TTC39B: variants seen among roughly 807,000 people sequenced by gnomAD.
TTC39B encodes the protein tetratricopeptide repeat protein 39B.
Under a neutral mutation model 96.6 loss-of-function variants are expected in TTC39B, and 92 were observed. The observed-to-expected ratio is 0.95, with a 90% CI of 0.80 to 1.13. The LOEUF (loss-of-function observed/expected upper bound fraction) is 1.13, where lower values mean the gene tolerates loss of function less well. TTC39B is among the 50% of genes most tolerant of loss of function. The pLI, the probability that TTC39B is intolerant of heterozygous loss-of-function variation, is 0.00. For synonymous variants in TTC39B, 367 were observed against 299.4 expected, an observed-to-expected ratio of 1.23 and a Z score of -2.33; for missense variants, 955 against 809.3, an observed-to-expected ratio of 1.18 and a Z score of -2.18.
intron 2 of TTC39B, among the ~76,000 whole-genome samples, chr9:15,258,714 C>G (rs1348091021): frequency 6.6e-6 from 1 of 152,170 alleles, no homozygotes; most frequent in Non-Finnish European, 1.5e-5. Flanking sequence ...AAAGATCCTG[C>G]TCATAGGGGT....
chr9:15,163,886 GT>G (rs1447823294), exon 20 of TTC39B: 1 of 152,156 alleles, frequency 6.6e-6, no homozygotes, highest in African/African-American at 2.4e-5. Context: ...TACAGGAATT[GT>G]TGTCATCATG....
intron 1 of TTC39B, among the ~76,000 whole-genome samples, chr9:15,278,282 G>T (rs1823623698): frequency 6.6e-6 from 1 of 151,932 alleles, no homozygotes; most frequent in Non-Finnish European, 1.5e-5. Context: ...TCACAGTTCT[G>T]GACATAACCC....
At chr9:15,281,942 T>A (rs528514369) in intron 1 of TTC39B, among the ~76,000 whole-genome samples, 2 of 152,206 alleles carry the variant, frequency 1.3e-5, no homozygotes, top group South Asian at 2.1e-4. Context: ...CCTCCCAAAG[T>A]GTTGAGATTA....
intron 8 of TTC39B, among the ~76,000 whole-genome samples, chr9:15,194,310 T>C (rs1819025532): frequency 6.6e-6 from 1 of 152,198 alleles, no homozygotes; most frequent in Non-Finnish European, 1.5e-5. Context: ...TATATGGACT[T>C]TTTTCGTCTT....
At chr9:15,243,105 A>C (rs1202916505) in intron 2 of TTC39B, among the ~76,000 whole-genome samples, 3 of 152,232 alleles carry the variant, frequency 2.0e-5, no homozygotes, top group Non-Finnish European at 2.9e-5. Flanking sequence ...AGCAGTCCCC[A>C]GACAGGGGCC....
At chr9:15,212,054 T>A (rs1282419946) in intron 4 of TTC39B, among the ~76,000 whole-genome samples, 1 of 152,228 alleles carries the variant, frequency 6.6e-6, no homozygotes. Flanking sequence ...ACATCCAGAT[T>A]CTCGGGCTAT....
intron 15 of TTC39B, chr9:15,186,582 C>T (rs1439528439): frequency 6.0e-6 from 1 of 166,162 alleles, no homozygotes; most frequent in Non-Finnish European, 1.3e-5. Context: ...TTAATACTCC[C>T]TTCCATTAAT....
At chr9:15,304,193 C>G (rs1824685178) in intron 1 of TTC39B, among the ~76,000 whole-genome samples, 1 of 152,194 alleles carries the variant, frequency 6.6e-6, no homozygotes, top group Admixed American at 6.5e-5. Flanking sequence ...GATCAGGCAA[C>G]TAGAGAGAAA....
At chr9:15,268,341 TG>T (rs1451448597) in intron 1 of TTC39B, among the ~76,000 whole-genome samples, 1 of 152,144 alleles carries the variant, frequency 6.6e-6, no homozygotes, top group Non-Finnish European at 1.5e-5. Context: ...GAGCATCCTC[TG>T]GGCCTTCATT....
chr9:15,166,985 TATATATATA>T (rs1564299621), exon 20 of TTC39B: 49 of 4,798 alleles, frequency 0.01, no homozygotes, highest in African/African-American at 0.029. Flanking sequence ...CTTTATTTTA[TATATATATA>T]TATATATATA....
At chr9:15,217,739 T>A (rs1007997510) in intron 3 of TTC39B, among the ~76,000 whole-genome samples, 7 of 152,100 alleles carry the variant, frequency 4.6e-5, no homozygotes, top group Non-Finnish European at 8.8e-5. Flanking sequence ...CCAGCACACA[T>A]CAGACACACT....
exon 20 of TTC39B, chr9:15,163,749 T>G (rs541443966): frequency 1.3e-5 from 2 of 152,226 alleles, no homozygotes; most frequent in Non-Finnish European, 2.9e-5. Context: ...TGCAGCATAT[T>G]CTGTGATACT....
chr9:15,176,919 G>A (rs897308802), intron 18 of TTC39B, among the ~76,000 whole-genome samples: 2 of 152,148 alleles, frequency 1.3e-5, no homozygotes, highest in African/African-American at 4.8e-5. Flanking sequence ...TAATGGAGCA[G>A]GACATCATCA....
At chr9:15,240,213 G>C (rs1188786620) in intron 2 of TTC39B, among the ~76,000 whole-genome samples, 3 of 152,114 alleles carry the variant, frequency 2.0e-5, no homozygotes, top group Non-Finnish European at 4.4e-5. Context: ...TGCCAGGCCT[G>C]TCACCAGTGC....
rs1174714919 is a variant in TTC39B at position 15,166,982 on chromosome 9, TTATATATATATATATA to T, written c.*5021_*5036del. 94 of 20,254 alleles carry T rather than the reference TTATATATATATATATA, an allele frequency of 4.6e-3. 2 individuals carry two copies. The highest frequency in any genetic ancestry group is 8.8e-3 in the South Asian group (3 of 340). The allele number at this position is 20,254 out of a possible 1,614,324, so 1.3% of individuals were successfully genotyped here. On this transcript the variant is annotated 3_prime_UTR_variant, in exon 20 of 20. Coordinates refer to ENST00000512701, the Ensembl canonical transcript of TTC39B. ...TAACATGTGTCCACAAACCTTTATT[TTATATATATATATATA>T]TATATATATATATATATATATATAT... is the stretch of plus-strand genomic sequence containing the variant.
At chr9:15,229,206 G>A (rs1170419737) in intron 2 of TTC39B, among the ~76,000 whole-genome samples, 1 of 152,152 alleles carries the variant, frequency 6.6e-6, no homozygotes, top group Non-Finnish European at 1.5e-5. Flanking sequence ...CCATTTTTGT[G>A]TACAGTCTGA....
chr9:15,222,533 G>A (rs760662639), intron 3 of TTC39B, among the ~76,000 whole-genome samples: 5 of 152,100 alleles, frequency 3.3e-5, no homozygotes, highest in East Asian at 1.9e-4. Flanking sequence ...ACATTTTGCC[G>A]TAACCTTCAT....
intron 2 of TTC39B, among the ~76,000 whole-genome samples, chr9:15,229,170 G>C (rs947954137): frequency 6.6e-6 from 1 of 152,244 alleles, no homozygotes; most frequent in African/African-American, 2.4e-5. Flanking sequence ...AAATACTATT[G>C]CAAACACACA....
chr9:15,244,820 TG>T (rs148400476), intron 2 of TTC39B, among the ~76,000 whole-genome samples: 7,505 of 152,204 alleles, frequency 0.049, 244 homozygotes, highest in Non-Finnish European at 0.062. Context: ...GGACACTGAA[TG>T]GGGGGGACAT....
Sources: gnomAD v4.1 joint callset for allele counts (sites outside exome capture counted in the v4.1 genomes callset) on GRCh38, gnomAD v4.1.1 for gene constraint, MANE v1.5 for transcripts, NCBI Gene and HGNC (gene_info 2026-07-23, HGNC 2026-07-21) for gene names.